Variants in HYDIN observed in about 807,000 individuals in gnomAD.
HYDIN encodes the protein axonemal central pair apparatus protein HYDIN.
In HYDIN, 132 loss-of-function variants were observed where a neutral mutation model predicts 403.9. The ratio of observed to expected loss-of-function variants is 0.33; its 90% confidence interval spans 0.28 to 0.38. The LOEUF is 0.38. HYDIN is among the 10% of genes least tolerant of loss of function. The pLI, the probability that HYDIN is intolerant of heterozygous loss-of-function variation, is 1.00. For missense variants in HYDIN, 2,827 were observed against 5,009.5 expected, an observed-to-expected ratio of 0.56 and a Z score of 13.15; for synonymous variants, 1,202 against 1,891.7, an observed-to-expected ratio of 0.64 and a Z score of 9.46.
intron 36 of HYDIN, among the ~76,000 whole-genome samples, chr16:70,969,770 A>G (rs1220317018): frequency 6.6e-6 from 1 of 151,704 alleles, no homozygotes; most frequent in African/African-American, 2.4e-5. Context: ...TATGTTTGAC[A>G]GTTGAAACAA....
intron 1 of HYDIN, among the ~76,000 whole-genome samples, chr16:71,219,619 C>G (rs2089088570): frequency 6.6e-6 from 1 of 152,172 alleles, no homozygotes. Flanking sequence ...CATACCACCT[C>G]AAGGGATAAA....
intron 45 of HYDIN, among the ~76,000 whole-genome samples, chr16:70,931,615 GA>G (rs1444356288): frequency 6.6e-6 from 1 of 151,888 alleles, no homozygotes; most frequent in Non-Finnish European, 1.5e-5. Context: ...ATTCAGATTT[GA>G]AAAGCTGATA....
At chr16:70,908,090 T>C (rs1467444303) in intron 49 of HYDIN, among the ~76,000 whole-genome samples, 162 bp downstream of exon 49, 2 of 152,214 alleles carry the variant, frequency 1.3e-5, no homozygotes, top group African/African-American at 4.8e-5. Context: ...GTCCTCCCTG[T>C]GGCTCTTGGT....
At chr16:71,068,247 G>A (rs1230051488) in intron 14 of HYDIN, among the ~76,000 whole-genome samples, 1 of 147,274 alleles carries the variant, frequency 6.8e-6, no homozygotes, top group African/African-American at 2.6e-5. Flanking sequence ...AACAGCTTCT[G>A]GCATGAGTTA....
intron 1 of HYDIN, 147 bp downstream of exon 1, chr16:71,230,415 T>C: frequency 1.1e-6 from 1 of 929,316 alleles, no homozygotes; most frequent in Non-Finnish European, 1.5e-6. Flanking sequence ...GAGAAGTGGC[T>C]AGGGAAGGCT....
intron 12 of HYDIN, among the ~76,000 whole-genome samples, chr16:71,081,191 T>A (rs1271873627): frequency 6.6e-6 from 1 of 152,178 alleles, no homozygotes; most frequent in East Asian, 1.9e-4. Context: ...ATAATATTTT[T>A]CTCCATGATC....
chr16:70,937,469 A>G (rs2077527083), intron 44 of HYDIN, among the ~76,000 whole-genome samples: 1 of 151,780 alleles, frequency 6.6e-6, no homozygotes, highest in African/African-American at 2.4e-5. Context: ...CCTGGCCAAC[A>G]TGATGAAAAC....
In HYDIN at chr16:70,879,439, C is replaced by T; in HGVS notation, c.10415G>A (p.Gly3472Glu). Residue 3472 changes from glycine (G) to glutamate (E), a missense_variant, in exon 62 of 86, where the codon GGG becomes GAG. Gly to Glu is a moderately conservative substitution (Grantham distance 98). Transcript: ENST00000393567. Reference protein sequence around the residue: ...RGLVFDIAGEGNLPRVTVVRP... With the variant: ...RGLVFDIAGEENLPRVTVVRP... ...CACAACCGTCACTCGAGGGAGGTTC[C>T]CCTCACCAGCGATGTCAAACACGAG... 1 of 1,612,490 alleles carries T rather than the reference C, an allele frequency of 6.2e-7. No homozygotes were observed. Among genetic ancestry groups the T allele is most frequent in the Non-Finnish European group, 8.5e-7 (1 of 1,179,168 alleles).
At chr16:71,005,277 A>G (rs1251978257) in intron 23 of HYDIN, among the ~76,000 whole-genome samples, 4 of 152,008 alleles carry the variant, frequency 2.6e-5, no homozygotes, top group Admixed American at 6.6e-5. Context: ...TGTGCTGTCC[A>G]ATACATAGCC....
intron 73 of HYDIN, among the ~76,000 whole-genome samples, chr16:70,851,276 G>A (rs918854695): frequency 1.4e-5 from 2 of 141,684 alleles, no homozygotes; most frequent in African/African-American, 5.3e-5. Flanking sequence ...ACTACAAACA[G>A]AGAAAAAATG....
chr16:71,066,993 T>G, intron 15 of HYDIN: 1 of 669,032 alleles, frequency 1.5e-6, no homozygotes, highest in East Asian at 2.7e-5. Context: ...CTAAAACCTT[T>G]CTGGTTACAT....
Position 70,815,372 on chromosome 16 carries a change from A to C in HYDIN, c.14658+2970T>G, listed in dbSNP as rs897699603. Among the ~76,000 whole-genome samples the C allele has an allele frequency of 2.0e-5, 3 of 148,254 alleles. 1 individual carries two copies. Among genetic ancestry groups the C allele is most frequent in the African/African-American group, 7.8e-5 (3 of 38,412 alleles). On this transcript the variant is annotated intron_variant, in intron 84 of 85. Coordinates refer to ENST00000393567, the MANE Select transcript of HYDIN (RefSeq NM_001270974.2). ...ACAGTGAGCTGTGATCACCCACTGC[A>C]CTCCAGCCTGGGTGTCAGAGTGAGA... is the stretch of plus-strand genomic sequence containing the variant.
chr16:70,847,185 A>C (rs1820518774), intron 75 of HYDIN, among the ~76,000 whole-genome samples: 1 of 151,042 alleles, frequency 6.6e-6, no homozygotes, highest in Admixed American at 6.6e-5. Flanking sequence ...AATAGGCAAA[A>C]CTTTTGCTCT....
chr16:70,862,281 T>C (rs774538895), intron 68 of HYDIN, 26 bp from the exon 69 acceptor site: 10 of 1,499,590 alleles, frequency 6.7e-6, no homozygotes, highest in African/African-American at 1.4e-5. Flanking sequence ...GAGTGGGTGA[T>C]ATTCTGCATT....
chr16:71,175,951 A>G, intron 4 of HYDIN: 1 of 598,204 alleles, frequency 1.7e-6, no homozygotes, highest in South Asian at 1.9e-5. Context: ...TATTAACATT[A>G]TTATTCTTAG....
chr16:70,964,049 C>T (rs2078497060), intron 37 of HYDIN, among the ~76,000 whole-genome samples: 1 of 106,522 alleles, frequency 9.4e-6, no homozygotes, highest in Non-Finnish European at 1.8e-5. Context: ...AAGATGCATC[C>T]TCATAAGTGA....
At chr16:70,886,564 G>C (rs1000537092) in intron 58 of HYDIN, among the ~76,000 whole-genome samples, 8 of 152,008 alleles carry the variant, frequency 5.3e-5, no homozygotes, top group African/African-American at 1.9e-4. Flanking sequence ...TTTACTTTTT[G>C]TTTTGAGAAC....
chr16:71,199,998 A>G (rs1413591933), intron 1 of HYDIN, among the ~76,000 whole-genome samples: 1 of 152,182 alleles, frequency 6.6e-6, no homozygotes. Flanking sequence ...GACCTTGCTA[A>G]TAAAACAGTT....
At chr16:71,171,150 C>G (rs982185422) in intron 5 of HYDIN, among the ~76,000 whole-genome samples, 1 of 152,194 alleles carries the variant, frequency 6.6e-6, no homozygotes, top group Admixed American at 6.5e-5. Context: ...CTTTCCCGAG[C>G]TGGCTGCCAA....
Sources: allele counts gnomAD v4.1 joint callset (sites outside exome capture counted in the v4.1 genomes callset), GRCh38; gene constraint gnomAD v4.1.1; transcripts MANE v1.5; gene names NCBI Gene and HGNC (gene_info 2026-07-23, HGNC 2026-07-21).